GABRG3: variants seen among roughly 807,000 people sequenced by gnomAD.
GABRG3 encodes gamma-aminobutyric acid receptor subunit gamma-3.
GABRG3 carries 25 observed loss-of-function variants against 48.8 expected under a neutral mutation model. That is an observed-to-expected ratio of 0.51 (90% CI 0.37 to 0.72). The LOEUF (loss-of-function observed/expected upper bound fraction) is 0.72. Ranked by LOEUF, GABRG3 falls within the 30% of genes least tolerant of loss-of-function variation. The pLI, the probability that GABRG3 is intolerant of heterozygous loss-of-function variation, is 0.00. For missense variants in GABRG3, 394 were observed against 577.9 expected (o/e 0.68, Z 3.26); for synonymous variants, 227 against 217.6 (o/e 1.04, Z -0.38).
At chr15:27,171,187 T>C (rs968418874) in intron 3 of GABRG3, among the ~76,000 whole-genome samples, 5 of 152,156 alleles carry the variant, frequency 3.3e-5, no homozygotes, top group African/African-American at 1.2e-4. Flanking sequence ...TAAAATATAG[T>C]CTGTACACCT....
At chr15:27,257,137 T>C (rs1890644867) in intron 3 of GABRG3, among the ~76,000 whole-genome samples, 1 of 152,228 alleles carries the variant, frequency 6.6e-6, no homozygotes, top group African/African-American at 2.4e-5. Context: ...CTCGTTGTGG[T>C]TTTAATTTGC....
intron 5 of GABRG3, among the ~76,000 whole-genome samples, chr15:27,381,631 G>C (rs890781087): frequency 9.2e-5 from 14 of 152,308 alleles, no homozygotes; most frequent in South Asian, 2.1e-4. Flanking sequence ...GCAGTGATTT[G>C]CCTTGTGACC....
At chr15:27,113,688 A>C (rs2140372051) in intron 3 of GABRG3, among the ~76,000 whole-genome samples, 1 of 152,318 alleles carries the variant, frequency 6.6e-6, no homozygotes, top group East Asian at 1.9e-4. Context: ...GGGCCTCTTC[A>C]GGTATTCACT....
chr15:27,366,099 C>A (rs987995176), intron 5 of GABRG3: 6 of 152,148 alleles, frequency 3.9e-5, no homozygotes, highest in African/African-American at 9.7e-5. Flanking sequence ...TTCGTGGAAA[C>A]AAACACATGA....
intron 5 of GABRG3, among the ~76,000 whole-genome samples, chr15:27,336,922 G>A (rs1391005789): frequency 6.6e-6 from 1 of 152,212 alleles, no homozygotes; most frequent in African/African-American, 2.4e-5. Context: ...GGTCACATAT[G>A]TGGGATCCCA....
chr15:27,107,890 G>A (rs1378264748), intron 3 of GABRG3, among the ~76,000 whole-genome samples: 2 of 151,056 alleles, frequency 1.3e-5, no homozygotes, highest in African/African-American at 2.4e-5. Flanking sequence ...TTCTTTTAAT[G>A]TTCATGGGTG....
intron 2 of GABRG3, among the ~76,000 whole-genome samples, chr15:26,984,300 G>A (rs1001938048): frequency 2.6e-5 from 4 of 151,866 alleles, no homozygotes; most frequent in Non-Finnish European, 4.4e-5. Flanking sequence ...CCCAACATAC[G>A]TGGTCCAACT....
At chr15:27,260,062 G>A (rs1036109937) in intron 3 of GABRG3, among the ~76,000 whole-genome samples, 2 of 152,176 alleles carry the variant, frequency 1.3e-5, no homozygotes, top group Middle Eastern at 3.4e-3. Flanking sequence ...TTCCATCCTC[G>A]GGACTCCTGT....
At chr15:26,977,614 T>G (rs1385149586) in intron 2 of GABRG3, among the ~76,000 whole-genome samples, 1 of 152,230 alleles carries the variant, frequency 6.6e-6, no homozygotes, top group Non-Finnish European at 1.5e-5. Context: ...TTCAGCAAAA[T>G]GATTTTGAGA....
At chr15:27,281,330 T>A (rs1208456253) in intron 3 of GABRG3, among the ~76,000 whole-genome samples, 1 of 152,126 alleles carries the variant, frequency 6.6e-6, no homozygotes, top group Non-Finnish European at 1.5e-5. Context: ...TTTTATCACT[T>A]GTTTTTTTCT....
intron 5 of GABRG3, among the ~76,000 whole-genome samples, chr15:27,343,437 G>C (rs1894259070): frequency 6.6e-6 from 1 of 152,194 alleles, no homozygotes; most frequent in Admixed American, 6.5e-5. Context: ...ATGTATTTTG[G>C]TTATAAGTTG....
intron 3 of GABRG3, among the ~76,000 whole-genome samples, chr15:27,306,423 G>A (rs1266909048): frequency 1.5e-5 from 2 of 136,894 alleles, no homozygotes; most frequent in Admixed American, 7.7e-5. Flanking sequence ...ATGTCTACAT[G>A]TAAACATATA....
At chr15:27,219,070 C>T (rs1889363238) in intron 3 of GABRG3, among the ~76,000 whole-genome samples, 1 of 152,196 alleles carries the variant, frequency 6.6e-6, no homozygotes, top group South Asian at 2.1e-4. Flanking sequence ...TGGCCTTCTC[C>T]TCTGGCTACA....
At chr15:27,331,038 G>A (rs1421957450) in intron 5 of GABRG3, among the ~76,000 whole-genome samples, 1 of 152,132 alleles carries the variant, frequency 6.6e-6, no homozygotes, top group Non-Finnish European at 1.5e-5. Flanking sequence ...GCAAAAGTGG[G>A]TGTACACAGT....
intron 3 of GABRG3, among the ~76,000 whole-genome samples, chr15:27,113,571 G>C (rs2140371989): frequency 6.6e-6 from 1 of 152,270 alleles, no homozygotes. Flanking sequence ...GAGCTTAAAG[G>C]CCTCTGCACA....
intron 6 of GABRG3, among the ~76,000 whole-genome samples, chr15:27,487,205 G>A (rs1049846535): frequency 3.9e-5 from 6 of 152,278 alleles, no homozygotes; most frequent in South Asian, 2.1e-4. Context: ...TGAACTGCTC[G>A]TCTGCTAAGA....
At chr15:27,282,313 T>C (rs960194760) in intron 3 of GABRG3, among the ~76,000 whole-genome samples, 11 of 152,196 alleles carry the variant, frequency 7.2e-5, no homozygotes, top group Non-Finnish European at 1.5e-5. Context: ...TTTTCTTTCT[T>C]CTCTCCTTTC....
intron 3 of GABRG3, among the ~76,000 whole-genome samples, chr15:27,299,671 C>T (rs550120435): frequency 6.6e-6 from 1 of 152,266 alleles, no homozygotes; most frequent in East Asian, 1.9e-4. Context: ...GTTGCTGCAT[C>T]TGGAGCCCAG....
intron 5 of GABRG3, among the ~76,000 whole-genome samples, chr15:27,440,151 A>C (rs868127307): frequency 2.6e-5 from 4 of 152,006 alleles, no homozygotes; most frequent in South Asian, 4.1e-4. Context: ...CCCATCCCCA[A>C]CACTCTCAAA....
Sources: allele counts gnomAD v4.1 joint callset (sites outside exome capture counted in the v4.1 genomes callset), GRCh38; gene constraint gnomAD v4.1.1; transcripts MANE v1.5; gene names NCBI Gene and HGNC (gene_info 2026-07-23, HGNC 2026-07-21).